C18orf63: variants seen among roughly 807,000 people sequenced by gnomAD.
The protein encoded by C18orf63 is chromosome 18 open reading frame 63, also known as uncharacterized protein C18orf63.
In C18orf63, 50 loss-of-function variants were observed where a neutral mutation model predicts 75.3. The ratio of observed to expected loss-of-function variants is 0.66; its 90% confidence interval spans 0.53 to 0.84. The LOEUF is 0.84. Ranked by LOEUF, C18orf63 falls within the 40% of genes least tolerant of loss-of-function variation. The pLI is 0.00. For synonymous variants in C18orf63, 232 were observed against 267.6 expected, an observed-to-expected ratio of 0.87 and a Z score of 1.30; for missense variants, 732 against 800.2, an observed-to-expected ratio of 0.91 and a Z score of 1.03.
chr18:74,346,757 CACTT>C (rs1984581930), intron 11 of C18orf63, among the ~76,000 whole-genome samples: 1 of 152,118 alleles, frequency 6.6e-6, no homozygotes, highest in Non-Finnish European at 1.5e-5. Flanking sequence ...TGTAAAATAA[CACTT>C]AATTGGAAGT....
At chr18:74,320,669 C>A in intron 3 of C18orf63, 78 bp downstream of exon 3, 3 of 844,410 alleles carry the variant, frequency 3.6e-6, no homozygotes, top group Non-Finnish European at 1.8e-6. Flanking sequence ...GGTATTATAG[C>A]TAAAGTTAAG....
At chr18:74,342,515 G>T (rs1984505932) in intron 10 of C18orf63, among the ~76,000 whole-genome samples, 189 bp downstream of exon 10, 1 of 151,970 alleles carries the variant, frequency 6.6e-6, no homozygotes. Flanking sequence ...ATTTTTATTT[G>T]AGGATGAGCT....
intron 8 of C18orf63, among the ~76,000 whole-genome samples, chr18:74,341,677 A>C (rs1050497467): frequency 4.6e-5 from 7 of 152,188 alleles, no homozygotes; most frequent in Admixed American, 3.3e-4. Context: ...ACAGAGCGAG[A>C]CACTGTCTCA....
At chr18:74,328,270 C>A (rs1392005974) in intron 5 of C18orf63, among the ~76,000 whole-genome samples, 1 of 152,166 alleles carries the variant, frequency 6.6e-6, no homozygotes, top group African/African-American at 2.4e-5. Flanking sequence ...TCTTACTTGG[C>A]AGCAGGCAAG....
chr18:74,347,101 A>C (rs1265650437), intron 11 of C18orf63, among the ~76,000 whole-genome samples: 1 of 152,174 alleles, frequency 6.6e-6, no homozygotes, highest in Non-Finnish European at 1.5e-5. Flanking sequence ...TTAATTGTAT[A>C]ATTTGGGACA....
At position 74,318,012 on chromosome 18, in the gene C18orf63, A is replaced by G; in HGVS notation, c.134+13A>G. Reference sequence around the variant, plus strand: ...TGAAGATGTGCAGGTAAAAAAATACATCTTATAACTAAGACTTTTAAAACT... The same window carrying G: ...TGAAGATGTGCAGGTAAAAAAATACGTCTTATAACTAAGACTTTTAAAACT... On this transcript the variant is annotated intron_variant, in intron 2 of 13. Transcript: ENST00000579455. The G allele has an allele frequency of 1.4e-6, 2 of 1,467,410 alleles. No individual in the cohort carries two copies. The highest frequency in any genetic ancestry group is 1.8e-6 in the Non-Finnish European group (2 of 1,109,530). 90.9% of individuals were successfully genotyped at this position (1,467,410 alleles called of 1,614,324 possible).
intron 13 of C18orf63, among the ~76,000 whole-genome samples, chr18:74,355,529 C>G (rs7228957): frequency 0.52 from 79,394 of 151,946 alleles, 21,273 homozygotes; most frequent in Middle Eastern, 0.6. Flanking sequence ...ACCTGTAATT[C>G]CTACACTTTG....
At chr18:74,333,089 C>G (rs1984336505) in intron 7 of C18orf63, among the ~76,000 whole-genome samples, 1 of 152,152 alleles carries the variant, frequency 6.6e-6, no homozygotes, top group Non-Finnish European at 1.5e-5. Flanking sequence ...GATACTGGCC[C>G]AACATGCATG....
chr18:74,335,700 C>T (rs1418008245), intron 7 of C18orf63, among the ~76,000 whole-genome samples: 5 of 151,994 alleles, frequency 3.3e-5, no homozygotes, highest in Admixed American at 6.6e-5. Context: ...CTATTTATTT[C>T]GTAGATGGAT....
Position 74,354,215 on chromosome 18 carries a change from A to C in C18orf63, c.1948A>C (p.Lys650Gln). ...LCPESSKTSK[K>Q]HHSDTVHYGQ... ...TCCAGAGTCTTCCAAAACTTCAAAGAAGCATCATTCCGATACTGTGCACTA... is the reference window on the plus strand; with the variant it reads ...TCCAGAGTCTTCCAAAACTTCAAAGCAGCATCATTCCGATACTGTGCACTA... The change falls in exon 12 of 14, where the codon AAG (lysine) becomes CAG (glutamine). Residue 650 changes from lysine to glutamine, a missense_variant. Lys to Gln is a moderately conservative substitution (Grantham distance 53). This residue lies in a region of C18orf63 where 495 missense variants were observed against 508.7 expected (regional missense o/e 0.97). Transcript: ENST00000579455. 6.5e-7 allele frequency: 1 copy of C among 1,536,028 alleles called. No homozygotes were observed. The highest frequency in any genetic ancestry group is 8.7e-7 in the Non-Finnish European group (1 of 1,146,874).
intron 2 of C18orf63, among the ~76,000 whole-genome samples, 199 bp from the exon 3 acceptor site, chr18:74,320,314 A>T (rs115374982): frequency 8.8e-4 from 134 of 152,246 alleles, no homozygotes; most frequent in African/African-American, 3.0e-3. Context: ...GGGGGGAGGA[A>T]GTGCTACACA....
chr18:74,337,217 A>C (rs1984406359), intron 7 of C18orf63, among the ~76,000 whole-genome samples: 1 of 152,120 alleles, frequency 6.6e-6, no homozygotes. Flanking sequence ...TAGTCATCAT[A>C]TAAGGGCACT....
chr18:74,316,156 G>A (rs1365991945), intron 1 of C18orf63, 47 bp downstream of exon 1: 1 of 152,310 alleles, frequency 6.6e-6, no homozygotes, highest in African/African-American at 2.4e-5. Flanking sequence ...CGGAGGAGCA[G>A]GTCAGGGCCG....
chr18:74,322,857 C>T (rs937523469), intron 4 of C18orf63, 103 bp downstream of exon 4: 19 of 373,098 alleles, frequency 5.1e-5, no homozygotes, highest in African/African-American at 4.2e-5. Flanking sequence ...TTCTCATAGA[C>T]CATTGTTATG....
rs1305195960 is a variant in C18orf63, at chr18:74,322,750, CTAAGG to C, written c.270+1_270+5del. 3.7e-5 allele frequency: 48 copies of C among 1,294,298 alleles called. No homozygotes were observed. The highest frequency in any genetic ancestry group is 4.6e-5 in the Non-Finnish European group (44 of 951,488). The allele number at this position is 1,294,298 out of a possible 1,614,324, so 80.2% of individuals were successfully genotyped here. A position where few individuals can be genotyped will look rare whatever the true frequency, so the allele number is the denominator to read the frequency against. On this transcript the variant is annotated splice_donor_variant and coding_sequence_variant, in exon 4 of 14. Transcript: ENST00000579455. LOFTEE classifies it high-confidence loss of function. ...AATGCCTATGTTGAAAAATATGGAGCTAAGGTAAGTGTTAAAAAATGATATTAATA... is the reference window on the plus strand; with the variant it reads ...AATGCCTATGTTGAAAAATATGGAGCTAAGTGTTAAAAAATGATATTAATA...
At position 74,322,730 on chromosome 18, in the gene C18orf63, C is replaced by A; in HGVS notation, c.246C>A (p.Ala82=). The part of the protein sequence containing the change: ...IPFYKARKLN[A]YVEKYGAKME... ...TTTATAAAGCAAGAAAACTTAATGC[C>A]TATGTTGAAAAATATGGAGCTAAGG... The change falls in exon 4 of 14, where the codon GCC becomes GCA. Residue 82 remains alanine, a synonymous_variant. Coordinates refer to ENST00000579455, the MANE Select transcript of C18orf63 (RefSeq NM_001174123.2). The A allele has an allele frequency of 7.4e-7, 1 of 1,354,208 alleles. No individual in the cohort carries two copies. Among genetic ancestry groups the A allele is most frequent in the Non-Finnish European group, 1.0e-6 (1 of 1,001,966 alleles). 83.9% of individuals were successfully genotyped at this position (1,354,208 alleles called of 1,614,324 possible).
At chr18:74,334,408 A>T (rs888012796) in intron 7 of C18orf63, among the ~76,000 whole-genome samples, 5 of 152,082 alleles carry the variant, frequency 3.3e-5, no homozygotes, top group African/African-American at 1.2e-4. Context: ...GTGAATCTAC[A>T]TTATACACAT....
At chr18:74,344,584 C>T (rs1379123086) in intron 11 of C18orf63, among the ~76,000 whole-genome samples, 1 of 152,022 alleles carries the variant, frequency 6.6e-6, no homozygotes, top group Admixed American at 6.6e-5. Context: ...GAAATTATTC[C>T]TTGTTTCGTT....
intron 2 of C18orf63, among the ~76,000 whole-genome samples, chr18:74,318,573 G>A (rs918675464): frequency 2.0e-5 from 3 of 152,100 alleles, no homozygotes; most frequent in African/African-American, 4.8e-5. Context: ...AGCGGATCAC[G>A]AGGTCAGGAG....
Sources: gnomAD v4.1 joint callset for allele counts (sites outside exome capture counted in the v4.1 genomes callset) on GRCh38, gnomAD v4.1.1 for gene constraint, gnomAD v4.1.1 regional missense constraint, MANE v1.5 for transcripts, NCBI Gene and HGNC (gene_info 2026-07-23, HGNC 2026-07-21) for gene names.